The following LSAMP variants were observed in gnomAD, a reference collection of about 807,000 sequenced individuals.
The protein encoded by LSAMP is limbic system associated membrane protein.
In LSAMP, 7 loss-of-function variants were observed where a neutral mutation model predicts 38.6. The observed-to-expected ratio is 0.18, with a 90% CI of 0.10 to 0.34. LSAMP has a LOEUF of 0.34. LSAMP is among the 10% of genes least tolerant of loss of function. The pLI is 1.00. For missense variants in LSAMP, 313 were observed against 420.0 expected (o/e 0.75, Z 2.23); for synonymous variants, 154 against 166.8 (o/e 0.92, Z 0.59).
At chr3:116,345,411 A>G (rs1446820454) in intron 1 of LSAMP, among the ~76,000 whole-genome samples, 2 of 152,118 alleles carry the variant, frequency 1.3e-5, no homozygotes, top group African/African-American at 4.8e-5. Flanking sequence ...AATGAGAGGA[A>G]CTAGATATCG....
At chr3:116,118,139 C>T (rs1048656871) in intron 1 of LSAMP, among the ~76,000 whole-genome samples, 2 of 151,984 alleles carry the variant, frequency 1.3e-5, no homozygotes, top group Non-Finnish European at 2.9e-5. Context: ...TATCTGGGGT[C>T]CCCCAGTACA....
At chr3:116,124,353 T>A (rs1708957853) in intron 1 of LSAMP, among the ~76,000 whole-genome samples, 1 of 152,182 alleles carries the variant, frequency 6.6e-6, no homozygotes, top group Non-Finnish European at 1.5e-5. Flanking sequence ...TGCCTCTGAG[T>A]TGCTCCAGAA....
intron 1 of LSAMP, among the ~76,000 whole-genome samples, chr3:116,102,785 A>ATCTATCTATCTATCTATCTATCTATCTG (rs562864883): frequency 0.015 from 2,222 of 151,724 alleles, 59 homozygotes; most frequent in African/African-American, 0.051. Flanking sequence ...CTATCTATCT[A>ATCTATCTATCTATCTATCTATCTATCTG]TCTGTCTGTC....
At chr3:115,955,914 A>T (rs1276896330) in intron 3 of LSAMP, among the ~76,000 whole-genome samples, 1 of 152,122 alleles carries the variant, frequency 6.6e-6, no homozygotes, top group Non-Finnish European at 1.5e-5. Context: ...CCTATGAATA[A>T]ACTCCCAAAG....
At chr3:116,048,584 G>C (rs1941336363) in intron 2 of LSAMP, among the ~76,000 whole-genome samples, 1 of 152,158 alleles carries the variant, frequency 6.6e-6, no homozygotes, top group African/African-American at 2.4e-5. Context: ...AATCTAACAA[G>C]TCTTTTGTGT....
intron 3 of LSAMP, among the ~76,000 whole-genome samples, chr3:115,858,491 A>G (rs988122249): frequency 6.6e-5 from 10 of 152,194 alleles, no homozygotes; most frequent in Admixed American, 6.5e-4. Flanking sequence ...TTAGGAAATG[A>G]ATGGATCATT....
chr3:116,434,097 C>T (rs2049315104), intron 1 of LSAMP, among the ~76,000 whole-genome samples: 1 of 152,184 alleles, frequency 6.6e-6, no homozygotes, highest in South Asian at 2.1e-4. Flanking sequence ...AATTATCTAT[C>T]TCTGATTTTA....
At chr3:115,834,773 T>G (rs1478669967) in intron 6 of LSAMP, among the ~76,000 whole-genome samples, 1 of 152,082 alleles carries the variant, frequency 6.6e-6, no homozygotes, top group Non-Finnish European at 1.5e-5. Flanking sequence ...ATCAAAGAAA[T>G]TTATTAACAA....
chr3:115,931,905 A>T (rs1937586328), intron 3 of LSAMP, among the ~76,000 whole-genome samples: 1 of 152,200 alleles, frequency 6.6e-6, no homozygotes, highest in African/African-American at 2.4e-5. Flanking sequence ...CTGTCTTCAA[A>T]ATATATAAGC....
chr3:115,911,874 T>A (rs548476211), intron 3 of LSAMP, among the ~76,000 whole-genome samples: 1 of 152,356 alleles, frequency 6.6e-6, no homozygotes, highest in African/African-American at 2.4e-5. Context: ...TTTTAGCCAT[T>A]TTGATAAGTG....
intron 3 of LSAMP, among the ~76,000 whole-genome samples, chr3:115,932,416 T>A (rs1441087173): frequency 1.3e-5 from 2 of 152,142 alleles, no homozygotes; most frequent in Non-Finnish European, 1.5e-5. Context: ...TTTAAAAAAA[T>A]AAAAACGTTT....
chr3:116,108,558 G>A (rs1249521563), intron 1 of LSAMP, among the ~76,000 whole-genome samples: 1 of 152,152 alleles, frequency 6.6e-6, no homozygotes, highest in Non-Finnish European at 1.5e-5. Context: ...CGGTGTTTCC[G>A]AGGCAATTAG....
intron 1 of LSAMP, among the ~76,000 whole-genome samples, chr3:116,358,798 A>G (rs1335043155): frequency 6.6e-6 from 1 of 152,202 alleles, no homozygotes; most frequent in Non-Finnish European, 1.5e-5. Flanking sequence ...GGTTTTAATA[A>G]CATTTTTAAA....
intron 1 of LSAMP, among the ~76,000 whole-genome samples, chr3:116,130,970 CT>C (rs1317747135): frequency 6.7e-6 from 1 of 149,316 alleles, no homozygotes; most frequent in African/African-American, 2.5e-5. Context: ...CCGGTAACAA[CT>C]GTTTAAGGTT....
intron 3 of LSAMP, among the ~76,000 whole-genome samples, chr3:115,952,671 C>A (rs1044388917): frequency 6.6e-6 from 1 of 152,110 alleles, no homozygotes; most frequent in Admixed American, 6.5e-5. Context: ...TACTGAAGAA[C>A]TTATCCATGT....
chr3:115,892,242 C>T (rs1447493809), intron 3 of LSAMP, among the ~76,000 whole-genome samples: 1 of 151,936 alleles, frequency 6.6e-6, no homozygotes, highest in Non-Finnish European at 1.5e-5. Context: ...GATCCCACTT[C>T]TAAAAACATC....
intron 2 of LSAMP, among the ~76,000 whole-genome samples, chr3:116,069,688 T>C (rs1212184355): frequency 6.6e-6 from 1 of 152,220 alleles, no homozygotes; most frequent in Non-Finnish European, 1.5e-5. Context: ...GAAATAACTC[T>C]GCTTTCAGGG....
chr3:115,830,976 G>A (rs559285886), intron 6 of LSAMP, among the ~76,000 whole-genome samples: 50 of 152,318 alleles, frequency 3.3e-4, no homozygotes, highest in African/African-American at 1.2e-3. Context: ...ATTTCTGCAA[G>A]CCTCGCTTGT....
chr3:116,298,197 C>A (rs998324618), intron 1 of LSAMP, among the ~76,000 whole-genome samples: 1 of 152,182 alleles, frequency 6.6e-6, no homozygotes. Flanking sequence ...CTTACTCTCT[C>A]TTGGAAGCTA....
Sources: gnomAD v4.1 joint callset for allele counts (sites outside exome capture counted in the v4.1 genomes callset) on GRCh38, gnomAD v4.1.1 for gene constraint, MANE v1.5 for transcripts, NCBI Gene and HGNC (gene_info 2026-07-23, HGNC 2026-07-21) for gene names.